Variants in PKN2 observed in about 807,000 individuals in gnomAD.
PKN2 encodes protein kinase N2.
In PKN2, 38 loss-of-function variants were observed where a neutral mutation model predicts 119.1. The observed-to-expected ratio is 0.32, with a 90% CI of 0.25 to 0.42. The LOEUF is 0.42. Ranked by LOEUF, PKN2 falls within the 10% of genes least tolerant of loss-of-function variation. PKN2 has a pLI of 1.00. For synonymous variants in PKN2, 390 were observed against 384.9 expected (o/e 1.01, Z -0.15); for missense variants, 850 against 1,165.1 (o/e 0.73, Z 3.94).
intron 1 of PKN2, among the ~76,000 whole-genome samples, chr1:88,691,619 C>T (rs2100647235): frequency 6.6e-6 from 1 of 152,292 alleles, no homozygotes; most frequent in African/African-American, 2.4e-5. Context: ...AAGCTAGGAA[C>T]TTTAACCTAC....
chr1:88,725,927 G>A (rs1295080383), intron 1 of PKN2, among the ~76,000 whole-genome samples: 1 of 152,036 alleles, frequency 6.6e-6, no homozygotes, highest in African/African-American at 2.4e-5. Flanking sequence ...TACATATTTT[G>A]TTAGGTTTTT....
In PKN2 at chr1:88,825,029, C is replaced by T. The variant is rs199535956; in HGVS notation, c.2419+643C>T. ...TTTACTAGTTACTAACATTCTCTAT[C>T]TCCCTCTGCACTGGTGGCTTCTGTT... On this transcript the variant is annotated intron_variant, in intron 18 of 21. Coordinates refer to ENST00000370521, the MANE Select transcript of PKN2 (RefSeq NM_006256.4). 1.7e-4 allele frequency among the ~76,000 whole-genome samples: 26 copies of T among 152,372 alleles called. No homozygotes were observed. In the East Asian group the frequency reaches 5.0e-3, roughly 29 times the overall value.
chr1:88,824,316 G>T lies in PKN2; in HGVS notation c.2349G>T (p.Leu783Phe). Residue 783 changes from leucine (L) to phenylalanine (F), a missense_variant, in exon 18 of 22, where the codon TTG (leucine) becomes TTT (phenylalanine). Coordinates refer to ENST00000370521, the MANE Select transcript of PKN2 (RefSeq NM_006256.4). ...ATCTTTTTATCCTGAACAGAGATTT[G>T]AAATTGGATAACTTATTGCTAGATA... Reference protein sequence around the residue: ...LHEHKIVYRDLKLDNLLLDTE... With the variant: ...LHEHKIVYRDFKLDNLLLDTE... 1 of 1,555,480 alleles carries T rather than the reference G, an allele frequency of 6.4e-7. No homozygotes were observed. The highest frequency in any genetic ancestry group is 1.7e-5 in the Admixed American group (1 of 58,506).
At chr1:88,811,513 A>G (rs1671782136) in intron 15 of PKN2, among the ~76,000 whole-genome samples, 1 of 152,208 alleles carries the variant, frequency 6.6e-6, no homozygotes, top group South Asian at 2.1e-4. Flanking sequence ...AAAATAAGCA[A>G]TACAAACAAT....
intron 3 of PKN2, among the ~76,000 whole-genome samples, chr1:88,763,291 A>C (rs1669519604): frequency 6.6e-6 from 1 of 152,224 alleles, no homozygotes; most frequent in South Asian, 2.1e-4. Context: ...AAAAGACACA[A>C]TGAGATTTCA....
intron 2 of PKN2, among the ~76,000 whole-genome samples, chr1:88,750,943 A>G (rs1015829923): frequency 3.3e-5 from 5 of 152,182 alleles, no homozygotes; most frequent in African/African-American, 1.2e-4. Flanking sequence ...CACTGCTGCC[A>G]GCATTTTTTT....
intron 2 of PKN2, among the ~76,000 whole-genome samples, chr1:88,752,983 A>G (rs1669059946): frequency 6.6e-6 from 1 of 151,960 alleles, no homozygotes; most frequent in African/African-American, 2.4e-5. Flanking sequence ...TTTTTAGACT[A>G]TTTTTTAAGA....
chr1:88,813,787 G>C, intron 16 of PKN2, 54 bp downstream of exon 16: 1 of 1,368,080 alleles, frequency 7.3e-7, no homozygotes, highest in Non-Finnish European at 9.9e-7. Context: ...TTTCATTCTG[G>C]GAAGGAAAAG....
intron 3 of PKN2, among the ~76,000 whole-genome samples, chr1:88,769,034 T>C (rs1042957589): frequency 6.6e-6 from 1 of 152,180 alleles, no homozygotes. Flanking sequence ...AACTTACTCA[T>C]ACTGTGAGGG....
intron 3 of PKN2, among the ~76,000 whole-genome samples, chr1:88,763,857 A>G (rs968699297): frequency 6.6e-6 from 1 of 152,166 alleles, no homozygotes; most frequent in African/African-American, 2.4e-5. Flanking sequence ...CTGATGAATT[A>G]TGGTGCCCTT....
chr1:88,828,126 A>G (rs1258279149), intron 18 of PKN2, among the ~76,000 whole-genome samples: 2 of 152,150 alleles, frequency 1.3e-5, no homozygotes, highest in African/African-American at 4.8e-5. Flanking sequence ...TGTTGATTTT[A>G]TAATGAAGTA....
rs1402096851 is a variant in PKN2 at position 88,835,772 on chromosome 1, A to T, written c.*2324A>T. The T allele has an allele frequency of 6.6e-6, 1 of 152,574 alleles. No homozygotes were observed. The allele number at this position is 152,574 out of a possible 1,614,324, so 9.5% of individuals were successfully genotyped here. ...TGCAGTCATAAATTATCACAAATGC[A>T]CAAATTAAAGTCTATATAGATTGAA... On this transcript the variant is annotated 3_prime_UTR_variant, in exon 22 of 22. Coordinates refer to ENST00000370521, the MANE Select transcript of PKN2 (RefSeq NM_006256.4).
At position 88,820,227 on chromosome 1, in the gene PKN2, TATATATAA is replaced by T. The variant is rs1423725712; in HGVS notation, c.2280-1710_2280-1703del. Among the ~76,000 whole-genome samples, 53 of 35,150 alleles carry T rather than the reference TATATATAA, an allele frequency of 1.5e-3. 1 individual carries two copies. Among genetic ancestry groups the T allele is most frequent in the African/African-American group, 1.2e-3 (11 of 8,918 alleles). The allele number at this position is 35,150 out of a possible 152,430, so 23.1% of individuals were successfully genotyped here. A position where few individuals can be genotyped will look rare whatever the true frequency, so the allele number is the denominator to read the frequency against. On this transcript the variant is annotated intron_variant, in intron 16 of 21. Transcript: ENST00000370521. The stretch of plus-strand genomic sequence containing the variant: ...ATATATATATATATATATATATATA[TATATATAA>T]ATAGAAAAAAATAAAAATGCGAGGC...
intron 12 of PKN2, chr1:88,806,259 A>G (rs1671536099): frequency 4.6e-6 from 2 of 431,616 alleles, no homozygotes. Context: ...GATTCAAGCG[A>G]TTCTCCTGCA....
chr1:88,771,439 C>T lies in PKN2; in HGVS notation c.641C>T (p.Pro214Leu). Residue 214 changes from proline to leucine, a missense_variant, in exon 5 of 22, where the codon CCT becomes CTT. Coordinates refer to ENST00000370521, the MANE Select transcript of PKN2 (RefSeq NM_006256.4). ...TTTCTAGCAAAACCTGTGATAAGTC[C>T]TCTTGAACTTCGGATGGAAGAATTA... is the stretch of plus-strand genomic sequence containing the variant. ...AFDNAKPVIS[P>L]LELRMEELRH... is the part of the protein sequence containing the mutation. 2 of 1,602,054 alleles carry T rather than the reference C, an allele frequency of 1.2e-6. No individual in the cohort carries two copies. The highest frequency in any genetic ancestry group is 1.7e-6 in the Non-Finnish European group (2 of 1,176,048).
chr1:88,751,402 A>C (rs548372860), intron 2 of PKN2, among the ~76,000 whole-genome samples: 6 of 151,172 alleles, frequency 4.0e-5, no homozygotes, highest in South Asian at 2.1e-4. Context: ...ACACACACAC[A>C]CCTGACTCTA....
chr1:88,766,424 CT>C (rs1339746888), intron 3 of PKN2, among the ~76,000 whole-genome samples: 1 of 152,126 alleles, frequency 6.6e-6, no homozygotes, highest in Non-Finnish European at 1.5e-5. Context: ...CCCACTATAG[CT>C]TGCAAAACAG....
At chr1:88,807,645 TAACTC>T (rs1312336158) in intron 14 of PKN2, 34 bp from the exon 15 acceptor site, 2 of 1,567,422 alleles carry the variant, frequency 1.3e-6, no homozygotes. Context: ...ACAACATTAA[TAACTC>T]AAGTGGAAAA....
chr1:88,684,952 C>G (rs1012968192), intron 1 of PKN2: 2 of 294,508 alleles, frequency 6.8e-6, no homozygotes, highest in African/African-American at 2.2e-5. Flanking sequence ...CCCCCTCCCT[C>G]GGTGTCAGAG....
Sources: allele counts gnomAD v4.1 joint callset (sites outside exome capture counted in the v4.1 genomes callset), GRCh38; gene constraint gnomAD v4.1.1; transcripts MANE v1.5; gene names NCBI Gene and HGNC (gene_info 2026-07-23, HGNC 2026-07-21).